SNTA1: variants seen among roughly 807,000 people sequenced by gnomAD.
The protein encoded by SNTA1 is alpha-1-syntrophin.
Under a neutral mutation model 47.1 loss-of-function variants are expected in SNTA1, and 31 were observed. That is an observed-to-expected ratio of 0.66 (90% CI 0.49 to 0.89). The LOEUF is 0.89. Ranked by LOEUF, SNTA1 falls within the 40% of genes least tolerant of loss-of-function variation. The probability of loss-of-function intolerance (pLI) is 0.00; values close to 1 mark genes in which losing one functional copy is unlikely to be tolerated. For missense variants in SNTA1, 575 were observed against 693.0 expected (o/e 0.83, Z 1.91); for synonymous variants, 300 against 313.6 (o/e 0.96, Z 0.46).
chr20:33,409,997 C>A (rs765177228), intron 6 of SNTA1, 138 bp downstream of exon 6: 137 of 829,490 alleles, frequency 1.7e-4, no homozygotes, highest in Middle Eastern at 1.2e-3. Context: ...AACTTCTGAC[C>A]TCAGGTGATC....
Position 33,433,558 on chromosome 20 carries a change from C to T in SNTA1, c.496+5283G>A, listed in dbSNP as rs552311982. On this transcript the variant is annotated intron_variant, in intron 2 of 7. Transcript: ENST00000217381. ...CTAGGATTACAGGCATGAGTCACCG[C>T]GCCCAGCCAGCATTATTTTTAATGC... Among the ~76,000 whole-genome samples, 8 of 152,206 alleles carry T rather than the reference C, an allele frequency of 5.3e-5. No homozygotes were observed. In the South Asian group the frequency reaches 6.2e-4, roughly 12 times the overall value.
intron 2 of SNTA1, 100 bp downstream of exon 2, chr20:33,438,741 C>T: frequency 1.0e-6 from 1 of 1,004,208 alleles, no homozygotes; most frequent in Non-Finnish European, 1.6e-6. Flanking sequence ...ACCTCCCAGC[C>T]CCCAGTGCTG....
chr20:33,436,103 GA>G (rs1284073614), intron 2 of SNTA1, among the ~76,000 whole-genome samples: 3 of 152,090 alleles, frequency 2.0e-5, no homozygotes, highest in African/African-American at 7.2e-5. Flanking sequence ...CTGAGCAGGA[GA>G]ATGGCGTGAA....
At chr20:33,425,061 A>G (rs1990133331) in intron 2 of SNTA1, among the ~76,000 whole-genome samples, 1 of 151,524 alleles carries the variant, frequency 6.6e-6, no homozygotes, top group African/African-American at 2.4e-5. Context: ...GGTTGCAGTG[A>G]GCCGAGATCA....
chr20:33,443,158 G>A (rs1233091749), intron 1 of SNTA1, among the ~76,000 whole-genome samples, 153 bp downstream of exon 1: 2 of 151,544 alleles, frequency 1.3e-5, no homozygotes, highest in African/African-American at 4.9e-5. Flanking sequence ...CAACCTTGGT[G>A]TGCCCAGTGC....
At chr20:33,432,303 T>G (rs919176605) in intron 2 of SNTA1, among the ~76,000 whole-genome samples, 10 of 152,152 alleles carry the variant, frequency 6.6e-5, no homozygotes, top group African/African-American at 2.4e-4. Flanking sequence ...GAAGAGCCAG[T>G]AGGGAGCTGG....
At chr20:33,442,704 G>T (rs1191183699) in intron 1 of SNTA1, among the ~76,000 whole-genome samples, 2 of 152,120 alleles carry the variant, frequency 1.3e-5, no homozygotes, top group African/African-American at 4.8e-5. Context: ...AGTCCTGGGG[G>T]CTGAAAGCTC....
chr20:33,429,334 TAAAAAAAA>T (rs35077145), intron 2 of SNTA1, among the ~76,000 whole-genome samples: 2 of 25,096 alleles, frequency 8.0e-5, no homozygotes, highest in Non-Finnish European at 1.4e-4. Context: ...AGACTCCACC[TAAAAAAAA>T]AAAAAAAAAA....
intron 3 of SNTA1, among the ~76,000 whole-genome samples, chr20:33,414,491 G>T (rs1221581581): frequency 6.6e-6 from 1 of 151,940 alleles, no homozygotes; most frequent in Non-Finnish European, 1.5e-5. Context: ...CTACTTGGGA[G>T]GCTGAGGCAC....
At chr20:33,415,796 A>G (rs1989860536) in intron 3 of SNTA1, among the ~76,000 whole-genome samples, 1 of 150,144 alleles carries the variant, frequency 6.7e-6, no homozygotes, top group Non-Finnish European at 1.5e-5. Context: ...CTGTCCCAAA[A>G]AAAAAAAAAA....
intron 3 of SNTA1, among the ~76,000 whole-genome samples, chr20:33,416,203 G>A (rs916826956): frequency 3.3e-5 from 5 of 152,192 alleles, no homozygotes; most frequent in Non-Finnish European, 5.9e-5. Flanking sequence ...GTGTGGCATC[G>A]AGTGAGACCA....
At chr20:33,441,186 T>C (rs745997292) in intron 1 of SNTA1, among the ~76,000 whole-genome samples, 3 of 152,176 alleles carry the variant, frequency 2.0e-5, no homozygotes, top group Non-Finnish European at 4.4e-5. Flanking sequence ...CCCCATCACA[T>C]AGGTATGTTC....
chr20:33,412,520 C>T, intron 4 of SNTA1, 55 bp downstream of exon 4: 1 of 1,602,428 alleles, frequency 6.2e-7, no homozygotes, highest in Non-Finnish European at 8.5e-7. Context: ...GGGAACAGGG[C>T]CAGCTCCAAA....
chr20:33,412,288 G>T lies in SNTA1; in HGVS notation c.1040+8C>A. The T allele has an allele frequency of 6.2e-7, 1 of 1,609,850 alleles. No homozygotes were observed. On this transcript the variant is annotated splice_region_variant and intron_variant, in intron 5 of 7. Coordinates refer to ENST00000217381, the MANE Select transcript of SNTA1 (RefSeq NM_003098.3). ...TGGGGGAGACATACTGCCCCTGCCT[G>T]TGGGTACCTGGTGGCGATGAGTGGG...
intron 2 of SNTA1, among the ~76,000 whole-genome samples, chr20:33,419,809 T>C (rs549474889): frequency 1.2e-4 from 18 of 152,284 alleles, no homozygotes. Flanking sequence ...GGGCAAATGA[T>C]ACAGTTCTGG....
rs1479630096 is a variant in SNTA1 at position 33,412,378 on chromosome 20, C to A, written c.958G>T (p.Glu320Ter). 1.2e-6 allele frequency: 2 copies of A among 1,611,424 alleles called. No individual in the cohort carries two copies. The highest frequency in any genetic ancestry group is 1.7e-6 in the Non-Finnish European group (2 of 1,179,268). ...APTLALLTEK[E>*]LLLYLSLPET... ...GGGAGAGACAAGTAGAGGAGCAGTT[C>A]CTTTTCAGTTAGCAGGGCCAGGGTG... The change falls in exon 5 of 8, where the codon GAA (glutamate) becomes TAA (stop). Residue 320 changes from glutamate to a stop codon, truncating the protein, a stop_gained. Transcript: ENST00000217381. LOFTEE classifies it high-confidence loss of function.
At chr20:33,423,837 C>G (rs1225619828) in intron 2 of SNTA1, among the ~76,000 whole-genome samples, 2 of 152,182 alleles carry the variant, frequency 1.3e-5, no homozygotes, top group Non-Finnish European at 2.9e-5. Context: ...GAAGCCTGTC[C>G]TCTAAGCTCA....
chr20:33,439,144 G>T, intron 1 of SNTA1, 118 bp from the exon 2 acceptor site: 1 of 905,444 alleles, frequency 1.1e-6, no homozygotes, highest in Non-Finnish European at 1.8e-6. Flanking sequence ...GCTGGAAAAG[G>T]CAATGGGAGA....
intron 3 of SNTA1, among the ~76,000 whole-genome samples, chr20:33,413,674 T>C (rs1989803337): frequency 6.7e-6 from 1 of 149,754 alleles, no homozygotes; most frequent in Non-Finnish European, 1.5e-5. Context: ...ACGCCTGTAA[T>C]CCCAGAACTT....
Sources: allele counts gnomAD v4.1 joint callset (sites outside exome capture counted in the v4.1 genomes callset), GRCh38; gene constraint gnomAD v4.1.1; transcripts MANE v1.5; gene names NCBI Gene and HGNC (gene_info 2026-07-23, HGNC 2026-07-21).